The following CDH4 variants were observed in gnomAD, a reference collection of about 807,000 sequenced individuals.
CDH4 encodes the protein cadherin-4.
CDH4 carries 33 observed loss-of-function variants against 86.0 expected under a neutral mutation model. The ratio of observed to expected loss-of-function variants is 0.38; its 90% confidence interval spans 0.29 to 0.51. CDH4 has a LOEUF of 0.51. Ranked by LOEUF, CDH4 falls within the 20% of genes least tolerant of loss-of-function variation. The pLI is 0.86. For synonymous variants in CDH4, 555 were observed against 549.4 expected, an observed-to-expected ratio of 1.01 and a Z score of -0.14; for missense variants, 1,114 against 1,307.4, an observed-to-expected ratio of 0.85 and a Z score of 2.28.
intron 2 of CDH4, among the ~76,000 whole-genome samples, chr20:61,472,802 T>C (rs1287917543): frequency 1.3e-5 from 2 of 152,222 alleles, no homozygotes; most frequent in African/African-American, 4.8e-5. Flanking sequence ...ATAATACTGC[T>C]GAATGTATGT....
At chr20:61,780,197 T>G (rs1978464099) in intron 4 of CDH4, among the ~76,000 whole-genome samples, 2 of 152,050 alleles carry the variant, frequency 1.3e-5, no homozygotes, top group African/African-American at 2.4e-5. Context: ...GCTTCCAGAC[T>G]GGCTCGTAGC....
chr20:61,305,050 G>A (rs960575081), intron 2 of CDH4, among the ~76,000 whole-genome samples: 4 of 151,746 alleles, frequency 2.6e-5, no homozygotes, highest in African/African-American at 7.3e-5. Flanking sequence ...TGTTCTGTGC[G>A]TGTGTTGTGT....
At chr20:61,285,269 C>T (rs545232110) in intron 2 of CDH4, among the ~76,000 whole-genome samples, 6 of 152,318 alleles carry the variant, frequency 3.9e-5, no homozygotes, top group Non-Finnish European at 7.3e-5. Context: ...TACGAAGCCA[C>T]GAAGCAGCAG....
intron 4 of CDH4, among the ~76,000 whole-genome samples, chr20:61,798,916 G>A (rs6121471): frequency 0.011 from 1,701 of 152,330 alleles, 32 homozygotes; most frequent in African/African-American, 0.039. Context: ...CCACCGACCC[G>A]ATGACCCGGG....
At chr20:61,395,475 A>G (rs1185846404) in intron 2 of CDH4, among the ~76,000 whole-genome samples, 3 of 152,140 alleles carry the variant, frequency 2.0e-5, no homozygotes, top group South Asian at 2.1e-4. Flanking sequence ...TAACATATGC[A>G]TAGTATTATC....
chr20:61,847,564 G>A (rs1213789075), intron 5 of CDH4, among the ~76,000 whole-genome samples: 5 of 152,246 alleles, frequency 3.3e-5, no homozygotes, highest in East Asian at 3.8e-4. Context: ...GTGTAAACAC[G>A]CTGTGTAAAC....
chr20:61,648,007 C>T (rs2087083376), intron 2 of CDH4, among the ~76,000 whole-genome samples: 1 of 152,140 alleles, frequency 6.6e-6, no homozygotes, highest in Non-Finnish European at 1.5e-5. Flanking sequence ...CTGCTGGGTG[C>T]CAGGACAGAA....
intron 6 of CDH4, among the ~76,000 whole-genome samples, chr20:61,870,500 C>T (rs924896966): frequency 3.3e-5 from 5 of 152,180 alleles, no homozygotes; most frequent in African/African-American, 1.2e-4. Context: ...CTGGTCAGGG[C>T]TTTGCTTCTC....
chr20:61,350,224 C>T (rs557699943), intron 2 of CDH4, among the ~76,000 whole-genome samples: 1 of 12,018 alleles, frequency 8.3e-5, no homozygotes, highest in Admixed American at 6.5e-4. Context: ...AGCGGAACAC[C>T]TCTGACCTTG....
intron 2 of CDH4, among the ~76,000 whole-genome samples, chr20:61,294,205 G>C (rs1248952191): frequency 6.6e-6 from 1 of 152,166 alleles, no homozygotes; most frequent in Admixed American, 6.5e-5. Flanking sequence ...TGACCTGGAG[G>C]CTGGGGGGTC....
intron 2 of CDH4, among the ~76,000 whole-genome samples, chr20:61,530,632 A>G (rs1171294481): frequency 6.6e-6 from 1 of 152,128 alleles, no homozygotes; most frequent in Admixed American, 6.5e-5. Context: ...CTCGGAAAAT[A>G]GAGAGGCAAT....
chr20:61,758,112 T>C (rs1306727933), intron 3 of CDH4, among the ~76,000 whole-genome samples: 2 of 152,100 alleles, frequency 1.3e-5, no homozygotes, highest in Non-Finnish European at 2.9e-5. Context: ...GCAAATGCTG[T>C]GCAGGCACAT....
chr20:61,820,816 G>A (rs553251972), intron 4 of CDH4, among the ~76,000 whole-genome samples: 140 of 152,236 alleles, frequency 9.2e-4, no homozygotes, highest in African/African-American at 3.0e-3. Flanking sequence ...ACCTTCCCAG[G>A]ATCAGCTCAA....
At chr20:61,527,100 C>T (rs962391532) in intron 2 of CDH4, among the ~76,000 whole-genome samples, 2 of 152,356 alleles carry the variant, frequency 1.3e-5, no homozygotes, top group South Asian at 2.1e-4. Flanking sequence ...TCATGAACTA[C>T]GCGCACATAC....
At chr20:61,707,743 GGTGTTAGA>G (rs1341589691) in intron 2 of CDH4, among the ~76,000 whole-genome samples, 1 of 152,194 alleles carries the variant, frequency 6.6e-6, no homozygotes. Context: ...CGGATCATCA[GGTGTTAGA>G]GTCTCATGAG....
chr20:61,763,928 C>CA (rs1165795358), intron 3 of CDH4, among the ~76,000 whole-genome samples: 12 of 151,718 alleles, frequency 7.9e-5, no homozygotes, highest in Non-Finnish European at 1.5e-4. Context: ...TTTTCTTTTT[C>CA]AAAAAAACAG....
At chr20:61,391,668 T>C (rs780553420) in intron 2 of CDH4, among the ~76,000 whole-genome samples, 1 of 152,206 alleles carries the variant, frequency 6.6e-6, no homozygotes, top group Non-Finnish European at 1.5e-5. Context: ...CCAAAGCTCT[T>C]CTTCTCTCCC....
rs780787517 is a variant in CDH4, at chr20:61,417,813, G to T, written c.169+162876G>T. ...CTCAGGAAGTCTGAGTTTGGAAGGC[G>T]CCGCCAGAGACTGCACTTCAGTGTA... On this transcript the variant is annotated intron_variant, in intron 2 of 15. Coordinates refer to ENST00000614565, the MANE Select transcript of CDH4 (RefSeq NM_001794.5). This position sits in a 1 kb window ranked among gnomAD's most constrained non-coding sequence, Gnocchi z 4.0. Among the ~76,000 whole-genome samples, 5 of 152,122 alleles carry T rather than the reference G, an allele frequency of 3.3e-5. No individual in the cohort carries two copies. The highest frequency in any genetic ancestry group is 4.4e-5 in the Non-Finnish European group (3 of 68,028).
At chr20:61,815,239 G>A (rs771459527) in intron 4 of CDH4, among the ~76,000 whole-genome samples, 13 of 152,192 alleles carry the variant, frequency 8.5e-5, no homozygotes, top group Non-Finnish European at 1.6e-4. Context: ...CACGATCACA[G>A]GCCTGACACA....
Sources: gnomAD v4.1 joint callset for allele counts (sites outside exome capture counted in the v4.1 genomes callset) on GRCh38, gnomAD v4.1.1 for gene constraint, Gnocchi (gnomAD v3.1) non-coding constraint, MANE v1.5 for transcripts, NCBI Gene and HGNC (gene_info 2026-07-23, HGNC 2026-07-21) for gene names.